Variants in TSHZ2 observed in about 807,000 individuals in gnomAD.
TSHZ2 encodes teashirt zinc finger homeobox 2, also known as teashirt homolog 2.
A neutral mutation model predicts 74.4 loss-of-function variants in TSHZ2; 21 were observed. The observed-to-expected ratio is 0.28, with a 90% CI of 0.20 to 0.41. The LOEUF is 0.41. Among genes scored for constraint, TSHZ2 ranks in the 10% least tolerant of loss-of-function variants. The pLI is 1.00. For missense variants in TSHZ2, 1,244 were observed against 1,293.5 expected (o/e 0.96, Z 0.59); for synonymous variants, 540 against 515.3 (o/e 1.05, Z -0.65).
chr20:53,158,861 C>T (rs73911207), intron 1 of TSHZ2, among the ~76,000 whole-genome samples: 12,731 of 152,336 alleles, frequency 0.084, 1,319 homozygotes, highest in African/African-American at 0.25. Context: ...GTCTTTGCCT[C>T]ACCTGCCCAC....
At chr20:53,385,710 G>T (rs925121069) in intron 2 of TSHZ2, among the ~76,000 whole-genome samples, 1 of 152,224 alleles carries the variant, frequency 6.6e-6, no homozygotes, top group Non-Finnish European at 1.5e-5. Flanking sequence ...TCCACGGGGA[G>T]CTTCATTCAT....
intron 1 of TSHZ2, among the ~76,000 whole-genome samples, chr20:53,031,291 T>C (rs548531998): frequency 6.7e-4 from 102 of 152,348 alleles, no homozygotes; most frequent in Non-Finnish European, 1.2e-3. Flanking sequence ...CTCTCTGATG[T>C]AAATCAAAAC....
At chr20:53,177,747 T>G (rs1279811929) in intron 1 of TSHZ2, among the ~76,000 whole-genome samples, 2 of 152,198 alleles carry the variant, frequency 1.3e-5, no homozygotes, top group Non-Finnish European at 2.9e-5. Flanking sequence ...AAAAATCTGG[T>G]CATGGACCCA....
At chr20:52,993,864 A>G (rs1284940726) in intron 1 of TSHZ2, among the ~76,000 whole-genome samples, 1 of 152,246 alleles carries the variant, frequency 6.6e-6, no homozygotes, top group African/African-American at 2.4e-5. Context: ...AACACATAAC[A>G]AAAGTAAAAG....
In TSHZ2 at chr20:52,973,340, G is replaced by A. The variant is rs554511246; in HGVS notation, c.40+7G>A. 1.3e-6 allele frequency: 2 copies of A among 1,547,642 alleles called. No homozygotes were observed. The highest frequency in any genetic ancestry group is 1.2e-5 in the South Asian group (1 of 84,010). ...GCACCCAAGCGGGCGGCAGGTAAGA[G>A]AAACGGCTCCGCTTCGGGGCTGCCC... On this transcript the variant is annotated splice_region_variant and intron_variant, in intron 1 of 2. Coordinates refer to ENST00000371497, the MANE Select transcript of TSHZ2 (RefSeq NM_173485.6).
At chr20:53,116,408 TG>T (rs991663894) in intron 1 of TSHZ2, among the ~76,000 whole-genome samples, 1 of 152,202 alleles carries the variant, frequency 6.6e-6, no homozygotes, top group Admixed American at 6.5e-5. Flanking sequence ...GCCACCTCTC[TG>T]GGTGCCCCAA....
rs766416689 is a variant in TSHZ2 at position 53,255,151 on chromosome 20, C to T, written c.1693C>T (p.Leu565=). The T allele has an allele frequency of 2.7e-5, 43 of 1,614,050 alleles. No individual in the cohort carries two copies. The highest frequency in any genetic ancestry group is 3.6e-5 in the Non-Finnish European group (42 of 1,180,048). The part of the protein sequence containing the change: ...KPPLPMGSQV[L]QIRPNLTNKL... ...GCCTTTGCCTATGGGATCCCAGGTA[C>T]TGCAGATCCGGCCTAATCTCACCAA... Residue 565 remains leucine, a synonymous_variant, in exon 2 of 3, where the codon CTG becomes TTG. Coordinates refer to ENST00000371497, the MANE Select transcript of TSHZ2 (RefSeq NM_173485.6). The surrounding 1 kb of genome is among the most constrained non-coding windows in gnomAD (Gnocchi z 4.1).
intron 2 of TSHZ2, among the ~76,000 whole-genome samples, chr20:53,280,506 A>G (rs1303758802): frequency 2.6e-5 from 4 of 152,206 alleles, no homozygotes; most frequent in African/African-American, 2.4e-5. Context: ...ATCCAAAATG[A>G]GAGGGGGATC....
intron 1 of TSHZ2, among the ~76,000 whole-genome samples, chr20:53,019,361 T>C (rs1024058202): frequency 2.0e-5 from 3 of 152,114 alleles, no homozygotes; most frequent in Non-Finnish European, 2.9e-5. Flanking sequence ...GAAGTCACTA[T>C]CCTATATGGC....
At chr20:53,428,116 G>GAGA (rs1983719855) in intron 2 of TSHZ2, among the ~76,000 whole-genome samples, 1 of 152,220 alleles carries the variant, frequency 6.6e-6, no homozygotes, top group Admixed American at 6.5e-5. Context: ...TTCCAGGAAT[G>GAGA]AGAAGTCTCT....
chr20:53,433,473 T>C (rs1600634733), intron 2 of TSHZ2, among the ~76,000 whole-genome samples: 1 of 151,874 alleles, frequency 6.6e-6, no homozygotes, highest in Middle Eastern at 3.4e-3. Flanking sequence ...CCTAGGAGTT[T>C]AAGGCTGCAG....
At chr20:53,075,696 G>T (rs1263355816) in intron 1 of TSHZ2, among the ~76,000 whole-genome samples, 2 of 152,196 alleles carry the variant, frequency 1.3e-5, no homozygotes, top group Non-Finnish European at 2.9e-5. Context: ...AAGGAGTAGG[G>T]TGATCACCAG....
At chr20:53,348,056 G>T (rs996226274) in intron 2 of TSHZ2, among the ~76,000 whole-genome samples, 1 of 152,014 alleles carries the variant, frequency 6.6e-6, no homozygotes, top group African/African-American at 2.4e-5. Context: ...CACTTAAATG[G>T]AATCATACAA....
intron 1 of TSHZ2, among the ~76,000 whole-genome samples, chr20:53,154,299 T>C (rs1229991069): frequency 6.7e-6 from 1 of 148,486 alleles, no homozygotes; most frequent in African/African-American, 2.5e-5. Context: ...CAAAAAAAAT[T>C]TTTTTAAGAA....
chr20:52,994,578 C>G (rs1436097094), intron 1 of TSHZ2, among the ~76,000 whole-genome samples: 1 of 152,186 alleles, frequency 6.6e-6, no homozygotes, highest in African/African-American at 2.4e-5. Flanking sequence ...GATTTTATCA[C>G]AGGTGGGCCC....
chr20:53,114,917 G>A (rs542956528), intron 1 of TSHZ2, among the ~76,000 whole-genome samples: 2 of 152,268 alleles, frequency 1.3e-5, no homozygotes, highest in African/African-American at 4.8e-5. Flanking sequence ...CAATTCTGAG[G>A]GTGGACCTGA....
At chr20:53,197,126 C>T (rs147681962) in intron 1 of TSHZ2, among the ~76,000 whole-genome samples, 1 of 152,190 alleles carries the variant, frequency 6.6e-6, no homozygotes, top group South Asian at 2.1e-4. Flanking sequence ...GTTGTATATA[C>T]TTTTAGCAGT....
intron 1 of TSHZ2, among the ~76,000 whole-genome samples, chr20:52,992,382 C>T (rs999527614): frequency 3.9e-5 from 6 of 152,108 alleles, no homozygotes; most frequent in Non-Finnish European, 7.4e-5. Context: ...ATAGATAAAC[C>T]GATGCATGCA....
intron 1 of TSHZ2, among the ~76,000 whole-genome samples, chr20:53,038,068 C>T (rs1454823902): frequency 2.0e-5 from 3 of 151,722 alleles, no homozygotes; most frequent in Non-Finnish European, 1.5e-5. Flanking sequence ...GGAACGACAG[C>T]CTGCCCGGGG....
Sources: allele counts gnomAD v4.1 joint callset (sites outside exome capture counted in the v4.1 genomes callset), GRCh38; gene constraint gnomAD v4.1.1; non-coding constraint Gnocchi (gnomAD v3.1); transcripts MANE v1.5; gene names NCBI Gene and HGNC (gene_info 2026-07-23, HGNC 2026-07-21).